The following ARHGAP15 variants were observed in gnomAD, a reference collection of about 807,000 sequenced individuals.
ARHGAP15 encodes Rho GTPase activating protein 15.
ARHGAP15 carries 51 observed loss-of-function variants against 63.7 expected under a neutral mutation model. The ratio of observed to expected loss-of-function variants is 0.80; its 90% confidence interval spans 0.64 to 1.01. The LOEUF is 1.01. Ranked by LOEUF, ARHGAP15 falls within the 50% of genes least tolerant of loss-of-function variation. ARHGAP15 has a pLI of 0.00. For synonymous variants in ARHGAP15, 191 were observed against 193.8 expected, an observed-to-expected ratio of 0.99 and a Z score of 0.12; for missense variants, 560 against 564.6, an observed-to-expected ratio of 0.99 and a Z score of 0.08.
intron 13 of ARHGAP15, among the ~76,000 whole-genome samples, chr2:143,734,482 C>T (rs573634006): frequency 2.5e-4 from 38 of 152,140 alleles, no homozygotes; most frequent in Non-Finnish European, 4.4e-4. Flanking sequence ...TCTCATAAAT[C>T]CCCCTTTGTT....
intron 6 of ARHGAP15, among the ~76,000 whole-genome samples, chr2:143,334,590 C>A (rs1352743621): frequency 6.6e-6 from 1 of 152,100 alleles, no homozygotes; most frequent in East Asian, 1.9e-4. Context: ...TGGGAGGAAA[C>A]TGCAGTGAAA....
chr2:143,494,588 A>G (rs1352586008), intron 9 of ARHGAP15, among the ~76,000 whole-genome samples: 2 of 152,172 alleles, frequency 1.3e-5, no homozygotes, highest in African/African-American at 4.8e-5. Context: ...TGGTCTTTAA[A>G]TGATCAATTT....
chr2:143,425,712 AG>A (rs2105064306), intron 6 of ARHGAP15, among the ~76,000 whole-genome samples: 1 of 151,926 alleles, frequency 6.6e-6, no homozygotes, highest in Non-Finnish European at 1.5e-5. Context: ...TCATGGAAAA[AG>A]AAGCATTACT....
intron 6 of ARHGAP15, among the ~76,000 whole-genome samples, chr2:143,355,366 G>A (rs17772339): frequency 0.14 from 21,530 of 151,966 alleles, 1,786 homozygotes; most frequent in African/African-American, 0.23. Flanking sequence ...GTTTCTTGTC[G>A]GTGATGTGAT....
intron 6 of ARHGAP15, among the ~76,000 whole-genome samples, chr2:143,350,700 G>A (rs1329919496): frequency 6.7e-6 from 1 of 149,378 alleles, no homozygotes; most frequent in Non-Finnish European, 1.5e-5. Flanking sequence ...TTAGCCAGGC[G>A]TGGTGGTGGG....
At chr2:143,729,462 G>A (rs558176988) in intron 13 of ARHGAP15, among the ~76,000 whole-genome samples, 1 of 152,226 alleles carries the variant, frequency 6.6e-6, no homozygotes, top group East Asian at 1.9e-4. Context: ...GCTGTTGCCT[G>A]GTCCGATTCA....
intron 9 of ARHGAP15, among the ~76,000 whole-genome samples, chr2:143,510,045 A>AAAAAAAAAAAAAAAAAAAC (rs1693512128): frequency 6.7e-6 from 1 of 150,020 alleles, no homozygotes; most frequent in African/African-American, 2.5e-5. Context: ...AAAAAAAAAA[A>AAAAAAAAAAAAAAAAAAAC]AATAGAAACA....
chr2:143,514,105 T>C lies in ARHGAP15; in HGVS notation c.827-5161T>C, dbSNP rs944724955. 2.6e-5 allele frequency among the ~76,000 whole-genome samples: 4 copies of C among 152,200 alleles called. 1 individual carries two copies. The highest frequency in any genetic ancestry group is 9.7e-5 in the African/African-American group (4 of 41,444). On this transcript the variant is annotated intron_variant, in intron 9 of 13. Transcript: ENST00000295095. ...TTTTTTACACGTATCTGCAATAGCATTAGTCATATTATGTTGTAGCTGCTT... is the reference window on the plus strand; with the variant it reads ...TTTTTTACACGTATCTGCAATAGCACTAGTCATATTATGTTGTAGCTGCTT...
At chr2:143,273,287 C>A (rs572839456) in intron 6 of ARHGAP15, among the ~76,000 whole-genome samples, 7 of 151,944 alleles carry the variant, frequency 4.6e-5, no homozygotes, top group Non-Finnish European at 8.8e-5. Flanking sequence ...AAAAAAAATT[C>A]AACAAGCTCT....
At chr2:143,585,175 G>A (rs4662341) in intron 11 of ARHGAP15, among the ~76,000 whole-genome samples, 24 of 152,014 alleles carry the variant, frequency 1.6e-4, no homozygotes, top group Non-Finnish European at 2.6e-4. Context: ...GCTCCATGCC[G>A]TTTCTTGTAA....
At chr2:143,353,879 T>C (rs1372290625) in intron 6 of ARHGAP15, among the ~76,000 whole-genome samples, 1 of 152,194 alleles carries the variant, frequency 6.6e-6, no homozygotes, top group African/African-American at 2.4e-5. Context: ...ATATTAAAAA[T>C]GCTACGGTAA....
At chr2:143,189,374 T>C (rs983521400) in intron 2 of ARHGAP15, among the ~76,000 whole-genome samples, 3 of 152,208 alleles carry the variant, frequency 2.0e-5, no homozygotes, top group African/African-American at 7.2e-5. Context: ...ATCGTAAAAT[T>C]TGGAGACATT....
intron 2 of ARHGAP15, among the ~76,000 whole-genome samples, chr2:143,183,816 T>G (rs1256491830): frequency 1.3e-5 from 2 of 151,966 alleles, no homozygotes; most frequent in Non-Finnish European, 2.9e-5. Context: ...GTCCTTAAAC[T>G]GAAGTTTAAA....
rs142290625 is a variant in ARHGAP15 at position 143,656,708 on chromosome 2, G to A, written c.1138+32441G>A. Among the ~76,000 whole-genome samples, 49 of 152,246 alleles carry A rather than the reference G, an allele frequency of 3.2e-4. No individual in the cohort carries two copies. In the East Asian group the frequency reaches 6.2e-3, roughly 19 times the overall value. On this transcript the variant is annotated intron_variant, in intron 12 of 13. Transcript: ENST00000295095. ...GAACTTCACTCTGGGGGCAGGTAAC[G>A]GAAAAGTGCTTTCTAAAAGCAGTTC...
chr2:143,153,870 CTCT>C (rs1184119480), intron 1 of ARHGAP15, among the ~76,000 whole-genome samples: 31 of 77,894 alleles, frequency 4.0e-4, no homozygotes, highest in East Asian at 6.4e-4. Flanking sequence ...CCTCCTCCTC[CTCT>C]TCCTCCTCCT....
chr2:143,137,752 C>T (rs1003568440), intron 1 of ARHGAP15, among the ~76,000 whole-genome samples: 9 of 151,984 alleles, frequency 5.9e-5, no homozygotes, highest in African/African-American at 2.4e-5. Context: ...TTTAAAAGAG[C>T]TATGGAAGGT....
At chr2:143,274,631 A>G (rs1681451770) in intron 6 of ARHGAP15, among the ~76,000 whole-genome samples, 1 of 152,216 alleles carries the variant, frequency 6.6e-6, no homozygotes, top group African/African-American at 2.4e-5. Flanking sequence ...TCCACAGCAC[A>G]ATCTAATAAC....
At chr2:143,432,188 A>G (rs953025298) in intron 6 of ARHGAP15, among the ~76,000 whole-genome samples, 1 of 152,066 alleles carries the variant, frequency 6.6e-6, no homozygotes, top group African/African-American at 2.4e-5. Flanking sequence ...CTTAGAAAAA[A>G]GAAGTTCTAA....
chr2:143,549,487 C>T (rs1695468445), intron 10 of ARHGAP15, among the ~76,000 whole-genome samples: 1 of 152,036 alleles, frequency 6.6e-6, no homozygotes, highest in Non-Finnish European at 1.5e-5. Flanking sequence ...AGGGGTGTCC[C>T]AGAGAATAAC....
Sources: gnomAD v4.1 joint callset for allele counts (sites outside exome capture counted in the v4.1 genomes callset) on GRCh38, gnomAD v4.1.1 for gene constraint, MANE v1.5 for transcripts, NCBI Gene and HGNC (gene_info 2026-07-23, HGNC 2026-07-21) for gene names.